Variants in RGS6 observed in about 807,000 individuals in gnomAD.
RGS6 encodes the protein regulator of G protein signaling 6.
In RGS6, 30 loss-of-function variants were observed where a neutral mutation model predicts 78.5. That is an observed-to-expected ratio of 0.38 (90% CI 0.29 to 0.52). The LOEUF (loss-of-function observed/expected upper bound fraction) is 0.52, where lower values mean the gene tolerates loss of function less well. RGS6 is among the 20% of genes least tolerant of loss of function. The probability of loss-of-function intolerance (pLI) is 0.85; values close to 1 mark genes in which losing one functional copy is unlikely to be tolerated. For missense variants in RGS6, 495 were observed against 609.7 expected, an observed-to-expected ratio of 0.81 and a Z score of 1.98; for synonymous variants, 206 against 206.0, an observed-to-expected ratio of 1.00 and a Z score of 0.00.
intron 2 of RGS6, among the ~76,000 whole-genome samples, chr14:72,068,849 T>A (rs1015269483): frequency 2.0e-5 from 3 of 152,100 alleles, no homozygotes; most frequent in Non-Finnish European, 2.9e-5. Context: ...TAAAAATAAG[T>A]CTCATAATAC....
chr14:72,343,400 T>C (rs1233342808), intron 2 of RGS6, among the ~76,000 whole-genome samples: 1 of 152,210 alleles, frequency 6.6e-6, no homozygotes, highest in Admixed American at 6.5e-5. Flanking sequence ...CAACTATAGC[T>C]GGGAAAGGTC....
At chr14:72,273,449 C>G (rs1050719198) in intron 2 of RGS6, among the ~76,000 whole-genome samples, 2 of 152,054 alleles carry the variant, frequency 1.3e-5, no homozygotes. Context: ...GGGTCAACAG[C>G]TAACACAGCA....
intron 2 of RGS6, among the ~76,000 whole-genome samples, chr14:72,139,470 A>ATATGAATCGCTAT (rs2096503462): frequency 6.6e-6 from 1 of 152,244 alleles, no homozygotes; most frequent in Non-Finnish European, 1.5e-5. Context: ...GCCATGGGCC[A>ATATGAATCGCTAT]TATGAATCGC....
intron 2 of RGS6, among the ~76,000 whole-genome samples, chr14:72,347,847 CATT>C (rs1566587345): frequency 6.6e-6 from 1 of 152,170 alleles, no homozygotes; most frequent in Non-Finnish European, 1.5e-5. Context: ...AAATTATACT[CATT>C]GTCCAGCAAG....
At chr14:72,349,613 G>GT (rs2078742329) in intron 2 of RGS6, among the ~76,000 whole-genome samples, 1 of 152,136 alleles carries the variant, frequency 6.6e-6, no homozygotes, top group Non-Finnish European at 1.5e-5. Context: ...TGAGGGGATT[G>GT]TTTTTTTGAT....
rs181546899 is a variant in RGS6, at chr14:72,169,329, C to T, written c.85-182766C>T. ...ATGTAAGCTCTGTGGAATTACAATACGGATGTCTTCTAAGAAGAAAATTCA... is the reference window on the plus strand; with the variant it reads ...ATGTAAGCTCTGTGGAATTACAATATGGATGTCTTCTAAGAAGAAAATTCA... On this transcript the variant is annotated intron_variant, in intron 2 of 17. Coordinates refer to ENST00000553525, the MANE Select transcript of RGS6 (RefSeq NM_001204424.2). Among the ~76,000 whole-genome samples, 140 of 151,240 alleles carry T rather than the reference C, an allele frequency of 9.3e-4. 1 individual carries two copies. Among genetic ancestry groups the T allele is most frequent in the African/African-American group, 3.2e-3 (133 of 41,418 alleles).
At chr14:72,534,684 G>C (rs1192804603) in intron 15 of RGS6, among the ~76,000 whole-genome samples, 1 of 152,172 alleles carries the variant, frequency 6.6e-6, no homozygotes, top group Non-Finnish European at 1.5e-5. Flanking sequence ...GAGTCTTGGT[G>C]AATCCTTGTC....
intron 3 of RGS6, among the ~76,000 whole-genome samples, chr14:72,431,899 G>C (rs1291775932): frequency 2.0e-5 from 3 of 152,056 alleles, no homozygotes; most frequent in Admixed American, 6.5e-5. Context: ...GACTTCCCTG[G>C]TCTTGGTATT....
chr14:72,344,713 T>C (rs553122763), intron 2 of RGS6, among the ~76,000 whole-genome samples: 5 of 152,290 alleles, frequency 3.3e-5, no homozygotes, highest in Admixed American at 2.0e-4. Context: ...AAATGCAAAT[T>C]AGAGCGATCG....
chr14:72,514,497 G>T (rs2096916545), intron 14 of RGS6, among the ~76,000 whole-genome samples: 1 of 152,204 alleles, frequency 6.6e-6, no homozygotes, highest in African/African-American at 2.4e-5. Context: ...GGCAGCCCCT[G>T]GATGGTCCTC....
chr14:72,339,355 C>T (rs1021897300), intron 2 of RGS6, among the ~76,000 whole-genome samples: 1 of 152,334 alleles, frequency 6.6e-6, no homozygotes, highest in South Asian at 2.1e-4. Flanking sequence ...TGATCTTGAA[C>T]TTACCAGCCT....
chr14:72,471,995 A>G (rs17116212), intron 8 of RGS6, among the ~76,000 whole-genome samples: 7,406 of 152,238 alleles, frequency 0.049, 416 homozygotes, highest in African/African-American at 0.14. Context: ...ATTACATTAT[A>G]ATTGTGGGCC....
At chr14:72,422,918 C>T (rs747736950) in intron 3 of RGS6, among the ~76,000 whole-genome samples, 9 of 152,216 alleles carry the variant, frequency 5.9e-5, no homozygotes, top group Non-Finnish European at 1.0e-4. Flanking sequence ...AGCGGACTCG[C>T]TTGCAGAGCC....
chr14:71,957,297 G>A lies in RGS6; in HGVS notation c.-20-7475G>A, dbSNP rs540687186. Among the ~76,000 whole-genome samples the A allele has an allele frequency of 2.6e-5, 4 of 152,298 alleles. No individual in the cohort carries two copies. In the South Asian group the frequency reaches 6.2e-4, roughly 24 times the overall value. ...CAGCAGTGAGGATGAGCAGAAAGTG[G>A]CAGAGCCAGATGGCCTGAGTGCCAC... On this transcript the variant is annotated intron_variant, in intron 1 of 17. Transcript: ENST00000553525.
intron 2 of RGS6, among the ~76,000 whole-genome samples, chr14:72,257,695 A>G (rs141022135): frequency 9.2e-5 from 14 of 152,322 alleles, no homozygotes; most frequent in African/African-American, 3.4e-4. Context: ...TAGTAAGACA[A>G]TAGCTGAGGA....
rs576194859 is a variant in RGS6, at chr14:72,145,330, T to A, written c.84+180455T>A. ...CTACGTGGGAAAGGGCTGCTAGCAA[T>A]TTTGCTTCAGAGTCAAACCATGGAC... is the stretch of plus-strand genomic sequence containing the variant. On this transcript the variant is annotated intron_variant, in intron 2 of 17. Transcript: ENST00000553525. Among the ~76,000 whole-genome samples, 5 of 152,236 alleles carry A rather than the reference T, an allele frequency of 3.3e-5. No homozygotes were observed. In the East Asian group the frequency reaches 9.7e-4, roughly 29 times the overall value.
intron 2 of RGS6, among the ~76,000 whole-genome samples, chr14:72,042,770 T>C (rs76772631): frequency 0.14 from 21,220 of 152,178 alleles, 1,827 homozygotes; most frequent in South Asian, 0.21. Context: ...TTTGGGAGGT[T>C]ATTATAAATA....
chr14:72,558,293 CTT>C (rs750732691), intron 17 of RGS6, among the ~76,000 whole-genome samples: 13 of 152,238 alleles, frequency 8.5e-5, no homozygotes, highest in African/African-American at 2.2e-4. Flanking sequence ...TCTTTACTCT[CTT>C]AGCATTGAAA....
chr14:72,228,906 T>A (rs1030984386), intron 2 of RGS6, among the ~76,000 whole-genome samples: 2 of 152,046 alleles, frequency 1.3e-5, no homozygotes. Context: ...ATATAAAAAT[T>A]TAGCCGGGCA....
Sources: gnomAD v4.1 joint callset for allele counts (sites outside exome capture counted in the v4.1 genomes callset) on GRCh38, gnomAD v4.1.1 for gene constraint, MANE v1.5 for transcripts, NCBI Gene and HGNC (gene_info 2026-07-23, HGNC 2026-07-21) for gene names.